IP6K3: variants seen among roughly 807,000 people sequenced by gnomAD.
IP6K3 encodes inositol hexakisphosphate kinase 3, also known as ATP:1D-myo-inositol-hexakisphosphate phosphotransferase.
Under a neutral mutation model 28.8 loss-of-function variants are expected in IP6K3, and 20 were observed. That is an observed-to-expected ratio of 0.70 (90% CI 0.49 to 1.01). IP6K3 has a LOEUF of 1.01. IP6K3 is among the 50% of genes least tolerant of loss of function. The probability of loss-of-function intolerance (pLI) is 0.00; values close to 1 mark genes in which losing one functional copy is unlikely to be tolerated. For missense variants in IP6K3, 480 were observed against 537.1 expected, an observed-to-expected ratio of 0.89 and a Z score of 1.05; for synonymous variants, 213 against 221.3, an observed-to-expected ratio of 0.96 and a Z score of 0.33.
At chr6:33,732,518 C>T (rs1766356173) in intron 2 of IP6K3, among the ~76,000 whole-genome samples, 2 of 152,242 alleles carry the variant, frequency 1.3e-5, no homozygotes, top group African/African-American at 2.4e-5. Context: ...AACACTGACA[C>T]CCGAGTCCAC....
chr6:33,744,468 G>A lies in IP6K3; in HGVS notation c.-180+2290C>T, dbSNP rs982923165. 1.3e-5 allele frequency among the ~76,000 whole-genome samples: 2 copies of A among 152,186 alleles called. No individual in the cohort carries two copies. Among genetic ancestry groups the A allele is most frequent in the African/African-American group, 4.8e-5 (2 of 41,446 alleles). On this transcript the variant is annotated intron_variant, in intron 1 of 5. Coordinates refer to ENST00000293756, the MANE Select transcript of IP6K3 (RefSeq NM_054111.5). The surrounding 1 kb of genome is among the most constrained non-coding windows in gnomAD (Gnocchi z 4.4). ...AACACAATAATGGGATGGAGTGTGT[G>A]TGCGTGCATGTGTTTGTATGTTTGT...
rs974198060 is a variant in IP6K3, at chr6:33,722,590, T to C, written c.*130A>G. 1.7e-5 allele frequency: 11 copies of C among 647,112 alleles called. No individual in the cohort carries two copies. The highest frequency in any genetic ancestry group is 2.8e-5 in the Non-Finnish European group (10 of 363,350). The allele number at this position is 647,112 out of a possible 1,614,324, so 40.1% of individuals were successfully genotyped here. On this transcript the variant is annotated 3_prime_UTR_variant, in exon 6 of 6. Coordinates refer to ENST00000293756, the MANE Select transcript of IP6K3 (RefSeq NM_054111.5). ...AGCTGTTAATATAGTCTGCCATATA[T>C]AGAGATGGTTTTTGAAGGTAGATAG... is the stretch of plus-strand genomic sequence containing the variant.
At chr6:33,754,800 CACA>C in the IP6K3 span, among the ~76,000 whole-genome samples, 1 of 152,198 alleles carries the variant, frequency 6.6e-6, no homozygotes. Context: ...GGGTTCAGAT[CACA>C]ACGTCTGTAA....
chr6:33,739,826 G>C lies in IP6K3; in HGVS notation c.-179-4171C>G, dbSNP rs184056043. 2.5e-3 allele frequency among the ~76,000 whole-genome samples: 375 copies of C among 152,336 alleles called. 1 individual carries two copies. The highest frequency in any genetic ancestry group is 8.3e-3 in the African/African-American group (345 of 41,570). On this transcript the variant is annotated intron_variant, in intron 1 of 5. Transcript: ENST00000293756. ...AGTCAGAAGTCCAGGGTCTACTCCA[G>C]GCGCTCCTGGAGCTTGCTGAGGCCT...
chr6:33,725,612 G>A lies in IP6K3; in HGVS notation c.594C>T (p.Phe198=). The part of the protein sequence containing the change: ...SEYPENKRHR[F]LLLENVVSQY... ...GTGACACTACATTTTCCAGCAACAA[G>A]AACCCTAGTCACACTAAGTTAAGGA... is the stretch of plus-strand genomic sequence containing the variant. The change falls in exon 5 of 6, where the codon TTC becomes TTT. Residue 198 remains phenylalanine (F), a synonymous_variant. Transcript: ENST00000293756. The A allele has an allele frequency of 6.2e-7, 1 of 1,613,702 alleles. No homozygotes were observed.
chr6:33,725,604 A>G lies in IP6K3; in HGVS notation c.602T>C (p.Leu201Pro). ...CGTGTACTGTGACACTACATTTTCC[A>G]GCAACAAGAACCCTAGTCACACTAA... ...PENKRHRFLL[L>P]ENVVSQYTHP... The change falls in exon 5 of 6, where the codon CTG (leucine) becomes CCG (proline). Residue 201 changes from leucine to proline, a missense_variant. Physicochemically the swap from Leu to Pro is moderately conservative, Grantham distance 98. Transcript: ENST00000293756. The G allele has an allele frequency of 6.2e-7, 1 of 1,613,936 alleles. No individual in the cohort carries two copies. Among genetic ancestry groups the G allele is most frequent in the Non-Finnish European group, 8.5e-7 (1 of 1,179,836 alleles).
chr6:33,734,837 A>G lies in IP6K3; in HGVS notation c.199+441T>C, dbSNP rs1043174058. Among the ~76,000 whole-genome samples the G allele has an allele frequency of 3.9e-5, 6 of 152,320 alleles. No homozygotes were observed. The East Asian group carries it at 1.2e-3, about 29-fold the overall frequency. On this transcript the variant is annotated intron_variant, in intron 2 of 5. Coordinates refer to ENST00000293756, the MANE Select transcript of IP6K3 (RefSeq NM_054111.5). ...AGTTCTGGCTTCCCAAGCAAGCCAC[A>G]TCGCAGCATCCCAAGCCCTGTCCCA...
the IP6K3 span, among the ~76,000 whole-genome samples, chr6:33,756,961 A>G: frequency 6.6e-6 from 1 of 152,200 alleles, no homozygotes; most frequent in Non-Finnish European, 1.5e-5. Flanking sequence ...GGCCACAGGT[A>G]CCTCCAGGTC....
At chr6:33,731,556 T>G (rs1161176993) in intron 2 of IP6K3, among the ~76,000 whole-genome samples, 3 of 152,258 alleles carry the variant, frequency 2.0e-5, no homozygotes, top group Non-Finnish European at 4.4e-5. Flanking sequence ...TCTGCCTCTC[T>G]GTCTTTCTGC....
chr6:33,750,104 C>T (rs532766987), upstream of IP6K3, among the ~76,000 whole-genome samples: 1 of 152,350 alleles, frequency 6.6e-6, no homozygotes, highest in Admixed American at 6.5e-5. This position sits in a 1 kb window ranked among gnomAD's most constrained non-coding sequence, Gnocchi z 4.3. Context: ...TCATCCATCA[C>T]TATGTCCTGT....
chr6:33,722,401 G>T lies in IP6K3; in HGVS notation c.*319C>A. 1 of 210,422 alleles carries T rather than the reference G, an allele frequency of 4.8e-6. No homozygotes were observed. Among genetic ancestry groups the T allele is most frequent in the Non-Finnish European group, 9.6e-6 (1 of 104,132 alleles). The allele number at this position is 210,422 out of a possible 1,614,324, so 13.0% of individuals were successfully genotyped here. On this transcript the variant is annotated 3_prime_UTR_variant, in exon 6 of 6. Transcript: ENST00000293756. ...TGGCAACGAGTAAACATTTTTAGATGCAAATATTCCAGAATGTCAGCAATG... is the reference window on the plus strand; with the variant it reads ...TGGCAACGAGTAAACATTTTTAGATTCAAATATTCCAGAATGTCAGCAATG...
intron 1 of IP6K3, among the ~76,000 whole-genome samples, chr6:33,738,959 A>G (rs1397965706): frequency 1.3e-5 from 2 of 152,186 alleles, no homozygotes; most frequent in Non-Finnish European, 2.9e-5. Flanking sequence ...AAACCACCAC[A>G]AGGGATCAGG....
At chr6:33,743,573 T>A (rs1297042184) in intron 1 of IP6K3, among the ~76,000 whole-genome samples, 1 of 152,176 alleles carries the variant, frequency 6.6e-6, no homozygotes, top group Non-Finnish European at 1.5e-5. Flanking sequence ...AGGCACAAGC[T>A]TATTTTCCAG....
chr6:33,737,880 A>G (rs903988975), intron 1 of IP6K3, among the ~76,000 whole-genome samples: 6 of 152,238 alleles, frequency 3.9e-5, no homozygotes, highest in African/African-American at 1.2e-4. Context: ...TGTGGCACAG[A>G]GGTGAGCCCC....
In IP6K3 at chr6:33,726,713, G is replaced by A. The variant is rs760068741; in HGVS notation, c.589+18C>T. On this transcript the variant is annotated intron_variant, in intron 4 of 5. Coordinates refer to ENST00000293756, the MANE Select transcript of IP6K3 (RefSeq NM_054111.5). ...GCCCCGCCCTTGGGACCACATGTGA[G>A]GGGGATGGCAAGGATACGATGCCGC... The A allele has an allele frequency of 2.0e-5, 31 of 1,559,066 alleles. No individual in the cohort carries two copies. The highest frequency in any genetic ancestry group is 3.5e-5 in the South Asian group (3 of 84,754).
intron 2 of IP6K3, among the ~76,000 whole-genome samples, chr6:33,732,976 T>C (rs540989303): frequency 6.6e-6 from 1 of 152,332 alleles, no homozygotes; most frequent in South Asian, 2.1e-4. Flanking sequence ...ATTTCATTAG[T>C]TAGTGCTTGG....
At chr6:33,754,908 T>C in the IP6K3 span, among the ~76,000 whole-genome samples, 1 of 152,174 alleles carries the variant, frequency 6.6e-6, no homozygotes, top group South Asian at 2.1e-4. Flanking sequence ...CTCCAGTAAC[T>C]TTGTGAGGAA....
intron 2 of IP6K3, among the ~76,000 whole-genome samples, chr6:33,733,397 G>A (rs1766385770): frequency 6.6e-6 from 1 of 152,144 alleles, no homozygotes; most frequent in South Asian, 2.1e-4. Flanking sequence ...ACCCACACTG[G>A]CTCATGGCCG....
chr6:33,760,714 GA>G, the IP6K3 span, among the ~76,000 whole-genome samples: 4,003 of 152,290 alleles, frequency 0.026, 151 homozygotes, highest in African/African-American at 0.086. Context: ...TTTTAGTAGA[GA>G]CGGGGTTTTG....
Sources: allele counts gnomAD v4.1 joint callset (sites outside exome capture counted in the v4.1 genomes callset), GRCh38; gene constraint gnomAD v4.1.1; non-coding constraint Gnocchi (gnomAD v3.1); transcripts MANE v1.5; gene names NCBI Gene and HGNC (gene_info 2026-07-23, HGNC 2026-07-21).